The following STPG2 variants were observed in gnomAD, a reference collection of about 807,000 sequenced individuals.
STPG2 encodes the protein sperm-tail PG-rich repeat-containing protein 2.
In STPG2, 56 loss-of-function variants were observed where a neutral mutation model predicts 54.2. That is an observed-to-expected ratio of 1.03 (90% CI 0.83 to 1.29). The LOEUF (loss-of-function observed/expected upper bound fraction) is 1.29. Among genes scored for constraint, STPG2 ranks in the 50% most tolerant of loss-of-function variants. STPG2 has a pLI of 0.00. For synonymous variants in STPG2, 200 were observed against 181.8 expected (o/e 1.10, Z -0.81); for missense variants, 596 against 544.9 (o/e 1.09, Z -0.93).
intron 10 of STPG2, among the ~76,000 whole-genome samples, chr4:97,618,835 T>A (rs1733935627): frequency 6.6e-6 from 1 of 152,208 alleles, no homozygotes; most frequent in Non-Finnish European, 1.5e-5. Flanking sequence ...CCATTACTAG[T>A]AAGCCTTTTA....
At chr4:97,519,113 A>G (rs1036529080) in intron 4 of STPG2, among the ~76,000 whole-genome samples, 5 of 152,168 alleles carry the variant, frequency 3.3e-5, no homozygotes, top group Non-Finnish European at 5.9e-5. Context: ...TTAAGACCGA[A>G]TAATTTAAAA....
intron 8 of STPG2, among the ~76,000 whole-genome samples, chr4:97,858,846 G>A (rs749482674): frequency 2.3e-4 from 35 of 152,224 alleles, no homozygotes; most frequent in Middle Eastern, 3.4e-3. Context: ...TGTGAATTGC[G>A]CTGCTATAAC....
chr4:97,799,589 G>C (rs1182778284), intron 9 of STPG2, among the ~76,000 whole-genome samples: 1 of 152,154 alleles, frequency 6.6e-6, no homozygotes, highest in Admixed American at 6.5e-5. Flanking sequence ...TGGGTAACCC[G>C]ACCTTTCTCT....
intron 4 of STPG2, among the ~76,000 whole-genome samples, chr4:97,501,878 C>G (rs1264172897): frequency 1.3e-5 from 2 of 151,154 alleles, no homozygotes. Context: ...TGAAAGAGAA[C>G]AAAAATGAGT....
chr4:97,742,547 G>GTATATATATATATATATATATA (rs1199779392), intron 9 of STPG2, among the ~76,000 whole-genome samples: 1 of 143,016 alleles, frequency 7.0e-6, no homozygotes, highest in African/African-American at 2.6e-5. Flanking sequence ...GTGTGTGTGT[G>GTATATATATATATATATATATA]TGTGTGTGTG....
At chr4:97,679,124 C>A (rs1343489377) in intron 10 of STPG2, among the ~76,000 whole-genome samples, 1 of 152,118 alleles carries the variant, frequency 6.6e-6, no homozygotes, top group Non-Finnish European at 1.5e-5. Context: ...GATTTATAGT[C>A]CTTTGGGTAT....
intron 9 of STPG2, among the ~76,000 whole-genome samples, chr4:97,789,648 T>C (rs953275815): frequency 4.6e-5 from 7 of 152,202 alleles, no homozygotes; most frequent in Non-Finnish European, 7.3e-5. Context: ...GAACTATTTA[T>C]ATAAAAACTA....
chr4:98,093,497 G>C (rs1738751720), intron 5 of STPG2, among the ~76,000 whole-genome samples: 1 of 152,122 alleles, frequency 6.6e-6, no homozygotes, highest in African/African-American at 2.4e-5. Flanking sequence ...AAAGATGATG[G>C]AATAGAAGCC....
At chr4:97,547,083 T>C (rs1366368565) in intron 4 of STPG2, among the ~76,000 whole-genome samples, 1 of 151,368 alleles carries the variant, frequency 6.6e-6, no homozygotes, top group Non-Finnish European at 1.5e-5. Context: ...GTGTAGATTC[T>C]TACAAATGAA....
chr4:97,514,909 T>C (rs955579200), intron 4 of STPG2, among the ~76,000 whole-genome samples: 2 of 152,110 alleles, frequency 1.3e-5, no homozygotes, highest in Non-Finnish European at 2.9e-5. Context: ...TAAAATATGA[T>C]GAATATAAAC....
chr4:98,092,571 A>G (rs977573731), intron 5 of STPG2, among the ~76,000 whole-genome samples: 6 of 152,096 alleles, frequency 3.9e-5, no homozygotes, highest in Non-Finnish European at 8.8e-5. Context: ...CATTAAAGAA[A>G]AAAACACAGA....
intron 3 of STPG2, among the ~76,000 whole-genome samples, chr4:98,119,949 T>C (rs1243773869): frequency 6.6e-6 from 1 of 152,192 alleles, no homozygotes; most frequent in Non-Finnish European, 1.5e-5. Context: ...TTTATGGCTG[T>C]ATAGTATTCC....
intron 9 of STPG2, among the ~76,000 whole-genome samples, chr4:97,714,740 TA>T (rs1179132488): frequency 6.6e-6 from 1 of 152,148 alleles, no homozygotes; most frequent in African/African-American, 2.4e-5. Flanking sequence ...TATTCAGAAT[TA>T]AAAAAACACA....
intron 4 of STPG2, among the ~76,000 whole-genome samples, chr4:97,451,946 G>A (rs1578308980): frequency 6.6e-6 from 1 of 152,110 alleles, no homozygotes; most frequent in Non-Finnish European, 1.5e-5. Context: ...TGCTGCACCA[G>A]GGAGGTGCAG....
intron 9 of STPG2, among the ~76,000 whole-genome samples, chr4:97,815,522 A>C (rs1328918015): frequency 6.6e-6 from 1 of 152,186 alleles, no homozygotes; most frequent in African/African-American, 2.4e-5. Flanking sequence ...TGTATATATA[A>C]AATCTTTTGT....
At chr4:97,555,836 A>C (rs1405280768), downstream of STPG2, among the ~76,000 whole-genome samples, 3 of 152,142 alleles carry the variant, frequency 2.0e-5, no homozygotes, top group Admixed American at 6.5e-5. Flanking sequence ...TCATCTTTAT[A>C]AATAGAAGAC....
chr4:98,111,660 A>G (rs1335316903), intron 3 of STPG2, among the ~76,000 whole-genome samples: 1 of 151,802 alleles, frequency 6.6e-6, no homozygotes, highest in African/African-American at 2.4e-5. Flanking sequence ...TTAGATGTCA[A>G]TTTGACTGAG....
At chr4:97,819,028 G>A (rs1728003213) in intron 9 of STPG2, among the ~76,000 whole-genome samples, 2 of 148,992 alleles carry the variant, frequency 1.3e-5, no homozygotes, top group Admixed American at 6.7e-5. Flanking sequence ...AATAATTTGA[G>A]GTTGAAAATT....
intron 9 of STPG2, among the ~76,000 whole-genome samples, chr4:97,778,557 C>T (rs1219176117): frequency 6.6e-6 from 1 of 152,164 alleles, no homozygotes; most frequent in Non-Finnish European, 1.5e-5. Flanking sequence ...ACTTAACTGT[C>T]CCTGTCTGAC....
Sources: allele counts gnomAD v4.1 joint callset (sites outside exome capture counted in the v4.1 genomes callset), GRCh38; gene constraint gnomAD v4.1.1; transcripts MANE v1.5; gene names NCBI Gene and HGNC (gene_info 2026-07-23, HGNC 2026-07-21).